Variants in STARD13 observed in about 807,000 individuals in gnomAD.
STARD13 encodes the protein StAR related lipid transfer domain containing 13, also known as stAR-related lipid transfer protein 13.
STARD13 carries 62 observed loss-of-function variants against 106.4 expected under a neutral mutation model. That is an observed-to-expected ratio of 0.58 (90% CI 0.48 to 0.72). The LOEUF (loss-of-function observed/expected upper bound fraction) is 0.72, where lower values mean the gene tolerates loss of function less well. Ranked by LOEUF, STARD13 falls within the 30% of genes least tolerant of loss-of-function variation. STARD13 has a pLI of 0.00. For synonymous variants in STARD13, 565 were observed against 553.0 expected (o/e 1.02, Z -0.31); for missense variants, 1,387 against 1,424.0 (o/e 0.97, Z 0.42).
intron 1 of STARD13, among the ~76,000 whole-genome samples, chr13:33,271,058 G>A (rs11617661): frequency 8.7e-4 from 132 of 152,218 alleles, no homozygotes; most frequent in Non-Finnish European, 1.4e-3. Flanking sequence ...TTTGCTTCTG[G>A]CAAAATTTCA....
At chr13:33,192,345 A>G (rs575828463) in intron 1 of STARD13, among the ~76,000 whole-genome samples, 11 of 152,298 alleles carry the variant, frequency 7.2e-5, no homozygotes, top group African/African-American at 2.6e-4. Flanking sequence ...AATATGTTGA[A>G]TTTGTGGAAT....
the STARD13 span, among the ~76,000 whole-genome samples, chr13:33,525,189 A>AT: frequency 6.6e-6 from 1 of 151,592 alleles, no homozygotes; most frequent in Admixed American, 6.6e-5. Context: ...ACCTGGCTAC[A>AT]TTTTTTTAGT....
chr13:33,406,126 A>G, the STARD13 span, among the ~76,000 whole-genome samples: 1 of 152,324 alleles, frequency 6.6e-6, no homozygotes, highest in African/African-American at 2.4e-5. Context: ...ACCCAAATCT[A>G]TCTAATGACA....
chr13:33,565,519 T>C, the STARD13 span, among the ~76,000 whole-genome samples: 2 of 148,150 alleles, frequency 1.3e-5, no homozygotes, highest in Admixed American at 6.9e-5. Flanking sequence ...TGTAATATAT[T>C]TGGCAACTTT....
chr13:33,646,682 T>C, the STARD13 span, among the ~76,000 whole-genome samples: 1 of 149,198 alleles, frequency 6.7e-6, no homozygotes, highest in Non-Finnish European at 1.5e-5. Context: ...AAGTTTGACT[T>C]TTTTTTTTTA....
the STARD13 span, among the ~76,000 whole-genome samples, chr13:33,564,433 T>G: frequency 2.1e-5 from 3 of 145,632 alleles, 1 homozygote; most frequent in African/African-American, 7.7e-5. Context: ...ATATATGTAC[T>G]CTTGGTGGGA....
intron 1 of STARD13, among the ~76,000 whole-genome samples, chr13:33,253,938 C>A (rs560465039): frequency 6.6e-6 from 1 of 152,296 alleles, no homozygotes; most frequent in East Asian, 1.9e-4. Context: ...GGGGGAACAC[C>A]CTGTCCAGGT....
the STARD13 span, among the ~76,000 whole-genome samples, chr13:33,501,864 C>CT: frequency 1.4e-3 from 218 of 151,088 alleles, 1 homozygote; most frequent in African/African-American, 4.2e-3. Context: ...AATGCAGGCT[C>CT]TTTTTTTTTG....
the STARD13 span, among the ~76,000 whole-genome samples, chr13:33,539,493 G>A: frequency 2.4e-4 from 36 of 152,270 alleles, no homozygotes; most frequent in South Asian, 8.3e-4. Flanking sequence ...ATTTCAAGAC[G>A]TATAAAGCTA....
chr13:33,613,315 C>A, the STARD13 span, among the ~76,000 whole-genome samples: 1 of 152,166 alleles, frequency 6.6e-6, no homozygotes, highest in South Asian at 2.1e-4. Flanking sequence ...TGAAGTGACA[C>A]CCGAAACTCT....
chr13:33,655,369 G>C, the STARD13 span, among the ~76,000 whole-genome samples: 39 of 152,308 alleles, frequency 2.6e-4, no homozygotes, highest in Admixed American at 1.6e-3. Context: ...TCTATGACCA[G>C]TTCCAATACA....
At chr13:33,115,467 T>G (rs891558501) in intron 8 of STARD13, among the ~76,000 whole-genome samples, 37 of 152,240 alleles carry the variant, frequency 2.4e-4, no homozygotes, top group Admixed American at 2.4e-3. Flanking sequence ...AATGACACTG[T>G]GCTGATGGAC....
In STARD13 at chr13:33,177,840, G is replaced by A. The variant is rs1272659792; in HGVS notation, c.170-10218C>T. On this transcript the variant is annotated intron_variant, in intron 1 of 13. Transcript: ENST00000336934. Reference sequence around the variant, plus strand: ...AGGAAGGAAGGAAGGAAGGAAGGAAGGAAAGGAAGGAAGGAAGGAAGGAAG... The same window carrying A: ...AGGAAGGAAGGAAGGAAGGAAGGAAAGAAAGGAAGGAAGGAAGGAAGGAAG... 1.5e-3 allele frequency among the ~76,000 whole-genome samples: 26 copies of A among 17,182 alleles called. 1 individual carries two copies. The highest frequency in any genetic ancestry group is 2.3e-3 in the Non-Finnish European group (23 of 9,936). The allele number at this position is 17,182 out of a possible 152,430, so 11.3% of individuals were successfully genotyped here.
In STARD13 at chr13:33,104,689, C is replaced by G. The variant is rs1283797118; in HGVS notation, c.*904G>C. ...ATAAAAACTTGAGACAACACAGGGG[C>G]TCCCTTTGGCTGTGAAGAAGTAAAG... On this transcript the variant is annotated 3_prime_UTR_variant, in exon 14 of 14. Transcript: ENST00000336934. 6.5e-6 allele frequency: 1 copy of G among 153,360 alleles called. No individual in the cohort carries two copies. The highest frequency in any genetic ancestry group is 1.5e-5 in the Non-Finnish European group (1 of 68,032). 9.5% of individuals were successfully genotyped at this position (153,360 alleles called of 1,614,324 possible).
intron 1 of STARD13, among the ~76,000 whole-genome samples, chr13:33,269,850 A>G (rs140035852): frequency 1.3e-5 from 2 of 152,344 alleles, no homozygotes; most frequent in East Asian, 3.9e-4. Context: ...TTAATTATAT[A>G]CATTCGCTCA....
rs1197312175 is a variant in STARD13 at position 33,112,775 on chromosome 13, C to A, written c.2438G>T (p.Cys813Phe). The change falls in exon 9 of 14, where the codon TGT (cysteine) becomes TTT (phenylalanine). Residue 813 changes from cysteine (C) to phenylalanine (F), a missense_variant. Coordinates refer to ENST00000336934, the MANE Select transcript of STARD13 (RefSeq NM_178006.4). ...NQMTPMNLAV[C>F]LAPSLFHLNL... ...AAGATGAAAGAGGGAGGGGGCCAGA[C>A]ACACTGCCAGGTTCATGGGCGTCAT... is the stretch of plus-strand genomic sequence containing the variant. The A allele has an allele frequency of 6.2e-7, 1 of 1,613,264 alleles. No homozygotes were observed. The highest frequency in any genetic ancestry group is 1.1e-5 in the South Asian group (1 of 90,766).
At chr13:33,672,613 G>T in the STARD13 span, among the ~76,000 whole-genome samples, 5 of 152,100 alleles carry the variant, frequency 3.3e-5, no homozygotes, top group Admixed American at 2.0e-4. Flanking sequence ...ACAATACAAA[G>T]TAATTACTTG....
chr13:33,355,831 T>C, the STARD13 span, among the ~76,000 whole-genome samples: 1 of 152,254 alleles, frequency 6.6e-6, no homozygotes, highest in Non-Finnish European at 1.5e-5. Context: ...TGCCATGCTC[T>C]GAATCTGCCA....
chr13:33,118,281 G>C lies in STARD13; in HGVS notation c.2083-18C>G, dbSNP rs764311891. The C allele has an allele frequency of 6.2e-7, 1 of 1,608,476 alleles. No individual in the cohort carries two copies. Among genetic ancestry groups the C allele is most frequent in the Non-Finnish European group, 8.5e-7 (1 of 1,174,840 alleles). The stretch of plus-strand genomic sequence containing the variant: ...AGACCCACCTGAAACAAAGCCATAG[G>C]GATGTGTCAGCCAGGCCACACTTGG... On this transcript the variant is annotated intron_variant, in intron 7 of 13. Transcript: ENST00000336934.
Sources: gnomAD v4.1 joint callset for allele counts (sites outside exome capture counted in the v4.1 genomes callset) on GRCh38, gnomAD v4.1.1 for gene constraint, MANE v1.5 for transcripts, NCBI Gene and HGNC (gene_info 2026-07-23, HGNC 2026-07-21) for gene names.